The following TAFA1 variants were observed in gnomAD, a reference collection of about 807,000 sequenced individuals.
The protein encoded by TAFA1 is chemokine-like protein TAFA-1.
In TAFA1, 4 loss-of-function variants were observed where a neutral mutation model predicts 18.5. The observed-to-expected ratio is 0.22, with a 90% CI of 0.11 to 0.49. The LOEUF is 0.49. TAFA1 is among the 20% of genes least tolerant of loss of function. The probability of loss-of-function intolerance (pLI) is 0.98; values close to 1 mark genes in which losing one functional copy is unlikely to be tolerated. For missense variants in TAFA1, 147 were observed against 169.0 expected (o/e 0.87, Z 0.72); for synonymous variants, 56 against 55.2 (o/e 1.01, Z -0.06).
chr3:68,501,154 G>GAAA (rs57247656), intron 3 of TAFA1, among the ~76,000 whole-genome samples: 13 of 91,602 alleles, frequency 1.4e-4, no homozygotes, highest in Non-Finnish European at 1.8e-4. Flanking sequence ...GACCCTGTCT[G>GAAA]AAAAAAAAAA....
intron 2 of TAFA1, among the ~76,000 whole-genome samples, chr3:68,326,367 A>G (rs978091245): frequency 3.9e-5 from 6 of 152,166 alleles, no homozygotes; most frequent in Non-Finnish European, 8.8e-5. Flanking sequence ...TATCTTTGGA[A>G]ATTAAGCCTG....
chr3:68,090,841 A>G (rs1351132280), intron 2 of TAFA1, among the ~76,000 whole-genome samples: 4 of 152,176 alleles, frequency 2.6e-5, no homozygotes, highest in Admixed American at 2.6e-4. Context: ...TGCTGCTTAA[A>G]ATCAATGTTA....
chr3:68,342,807 C>T (rs2069106370), intron 2 of TAFA1, among the ~76,000 whole-genome samples: 1 of 152,202 alleles, frequency 6.6e-6, no homozygotes, highest in African/African-American at 2.4e-5. Context: ...TTAGGCGTCA[C>T]AAAGGCCCAA....
At chr3:68,376,135 A>G (rs2069811122) in intron 2 of TAFA1, among the ~76,000 whole-genome samples, 1 of 152,144 alleles carries the variant, frequency 6.6e-6, no homozygotes, top group Non-Finnish European at 1.5e-5. Flanking sequence ...CAGGTCCTCA[A>G]TGTTAATCAA....
At chr3:68,302,721 A>T (rs940188155) in intron 2 of TAFA1, among the ~76,000 whole-genome samples, 8 of 152,112 alleles carry the variant, frequency 5.3e-5, no homozygotes, top group African/African-American at 1.9e-4. Flanking sequence ...CCTACAGGAA[A>T]TACCTCCTGG....
chr3:68,375,880 C>A (rs2069802728), intron 2 of TAFA1, among the ~76,000 whole-genome samples: 1 of 152,130 alleles, frequency 6.6e-6, no homozygotes, highest in South Asian at 2.1e-4. Context: ...CTGATTTTAG[C>A]TCTACTGCAG....
At chr3:68,070,477 G>T (rs924749769) in intron 2 of TAFA1, among the ~76,000 whole-genome samples, 1 of 152,218 alleles carries the variant, frequency 6.6e-6, no homozygotes, top group African/African-American at 2.4e-5. Flanking sequence ...GGGCTGTGAT[G>T]GGACGGGCTG....
At chr3:68,076,436 T>C (rs1365485128) in intron 2 of TAFA1, among the ~76,000 whole-genome samples, 3 of 150,172 alleles carry the variant, frequency 2.0e-5, no homozygotes, top group Non-Finnish European at 4.4e-5. Context: ...TAGGTATATC[T>C]CCCAATGCTA....
At chr3:68,544,370 GA>G (rs899341665) in intron 4 of TAFA1, 115 bp from the exon 5 acceptor site, 135 of 1,068,640 alleles carry the variant, frequency 1.3e-4, no homozygotes, top group South Asian at 6.4e-4. Flanking sequence ...CAGATCACCT[GA>G]AAAAAAGCAA....
Position 68,277,983 on chromosome 3 carries a change from G to A in TAFA1, c.119-139297G>A, listed in dbSNP as rs867185890. Reference sequence around the variant, plus strand: ...TAACATAGATTCTCTCAAAATTATTGTTATTACAAATAAAGCCCAGTACAT... The same window carrying A: ...TAACATAGATTCTCTCAAAATTATTATTATTACAAATAAAGCCCAGTACAT... On this transcript the variant is annotated intron_variant, in intron 2 of 4. Transcript: ENST00000478136. Among the ~76,000 whole-genome samples the A allele has an allele frequency of 4.6e-5, 7 of 152,076 alleles. 1 individual carries two copies. In the South Asian group the frequency reaches 1.0e-3, roughly 22 times the overall value.
intron 2 of TAFA1, among the ~76,000 whole-genome samples, chr3:68,253,440 T>C (rs1459697640): frequency 6.6e-6 from 1 of 152,180 alleles, no homozygotes; most frequent in Non-Finnish European, 1.5e-5. Context: ...ATCTCACCCA[T>C]TTGTGAAACC....
intron 2 of TAFA1, among the ~76,000 whole-genome samples, chr3:68,365,570 A>G (rs1274088980): frequency 6.6e-6 from 1 of 152,198 alleles, no homozygotes; most frequent in Non-Finnish European, 1.5e-5. Context: ...GTGAGTTACT[A>G]TGTAGGACAC....
At chr3:68,019,495 T>A (rs1300014753) in intron 2 of TAFA1, among the ~76,000 whole-genome samples, 1 of 152,214 alleles carries the variant, frequency 6.6e-6, no homozygotes, top group East Asian at 1.9e-4. Flanking sequence ...TGGAAAAGAA[T>A]GCTCTCCAAC....
At chr3:68,081,296 G>A (rs1043207470) in intron 2 of TAFA1, among the ~76,000 whole-genome samples, 5 of 152,084 alleles carry the variant, frequency 3.3e-5, no homozygotes, top group Non-Finnish European at 7.4e-5. Context: ...ATCGTCTGAA[G>A]CCTTCTTCTC....
At chr3:68,443,436 G>A (rs78505599) in intron 3 of TAFA1, among the ~76,000 whole-genome samples, 5,639 of 141,816 alleles carry the variant, frequency 0.04, 144 homozygotes, top group East Asian at 0.09. Context: ...TTGTTTTCAC[G>A]CTGCTGATAA....
intron 2 of TAFA1, among the ~76,000 whole-genome samples, chr3:68,090,589 T>A (rs1003588243): frequency 6.6e-5 from 10 of 152,164 alleles, no homozygotes; most frequent in African/African-American, 2.2e-4. Context: ...GTGCCTCTCA[T>A]GGGTGACACT....
intron 2 of TAFA1, among the ~76,000 whole-genome samples, chr3:68,397,240 C>G (rs147565018): frequency 6.6e-6 from 1 of 151,978 alleles, no homozygotes; most frequent in Non-Finnish European, 1.5e-5. Flanking sequence ...GGTTGCTGCA[C>G]CCATCAACCC....
At chr3:68,423,069 A>C (rs546502944) in intron 3 of TAFA1, among the ~76,000 whole-genome samples, 5 of 152,200 alleles carry the variant, frequency 3.3e-5, no homozygotes, top group Non-Finnish European at 7.4e-5. Flanking sequence ...AAACAAAAAT[A>C]AATTTCTGGA....
intron 2 of TAFA1, among the ~76,000 whole-genome samples, chr3:68,073,253 C>A (rs75039009): frequency 0.013 from 2,043 of 152,198 alleles, 49 homozygotes; most frequent in African/African-American, 0.046. Context: ...ATTTACTGAA[C>A]GTTAGAGTTA....
Sources: gnomAD v4.1 joint callset for allele counts (sites outside exome capture counted in the v4.1 genomes callset) on GRCh38, gnomAD v4.1.1 for gene constraint, MANE v1.5 for transcripts, NCBI Gene and HGNC (gene_info 2026-07-23, HGNC 2026-07-21) for gene names.